The following WDR3 variants were observed in gnomAD, a reference collection of about 807,000 sequenced individuals.
WDR3 encodes the protein WD repeat domain 3, also known as WD repeat-containing protein 3.
In WDR3, 81 loss-of-function variants were observed where a neutral mutation model predicts 123.7. That is an observed-to-expected ratio of 0.65 (90% CI 0.55 to 0.79). The LOEUF is 0.79. Among genes scored for constraint, WDR3 ranks in the 30% least tolerant of loss-of-function variants. The pLI, the probability that WDR3 is intolerant of heterozygous loss-of-function variation, is 0.00. For synonymous variants in WDR3, 390 were observed against 388.8 expected (o/e 1.00, Z -0.04); for missense variants, 1,027 against 1,123.2 (o/e 0.91, Z 1.22).
chr1:117,953,409 A>T, intron 20 of WDR3, 67 bp from the exon 21 acceptor site: 1 of 1,485,102 alleles, frequency 6.7e-7, no homozygotes, highest in Non-Finnish European at 9.4e-7. Flanking sequence ...TGGATGTAAG[A>T]TTAATTTATC....
At chr1:117,950,922 G>A (rs1293109065) in intron 16 of WDR3, 32 bp downstream of exon 16, 2 of 1,564,248 alleles carry the variant, frequency 1.3e-6, no homozygotes, top group Non-Finnish European at 1.7e-6. Flanking sequence ...TCAGTAATAT[G>A]TTGTCTTTTT....
At chr1:117,953,209 T>A (rs1651713404) in intron 20 of WDR3, among the ~76,000 whole-genome samples, 1 of 152,140 alleles carries the variant, frequency 6.6e-6, no homozygotes, top group Non-Finnish European at 1.5e-5. Context: ...ACTGAATAAT[T>A]ATTCTGTCAA....
In WDR3 at chr1:117,941,813, G is replaced by A; in HGVS notation, c.955G>A (p.Asp319Asn). ...CAAAAAGGAAATTCAGAAGAAAATG[G>A]ATAAGAAGATGAAGAAAGCTAGAAA... Reference protein sequence around the residue: ...LSKKEIQKKMDKKMKKARKKA... With the variant: ...LSKKEIQKKMNKKMKKARKKA... The change falls in exon 9 of 27, where the codon GAT becomes AAT. Residue 319 changes from aspartate (D) to asparagine (N), a missense_variant. Physicochemically the swap from Asp to Asn is conservative, Grantham distance 23 (BLOSUM62 1). Coordinates refer to ENST00000349139, the MANE Select transcript of WDR3 (RefSeq NM_006784.3). The A allele has an allele frequency of 6.2e-7, 1 of 1,609,718 alleles. No individual in the cohort carries two copies. Among genetic ancestry groups the A allele is most frequent in the Non-Finnish European group, 8.5e-7 (1 of 1,178,970 alleles).
At chr1:117,942,599 T>C (rs1261848454) in intron 10 of WDR3, 55 bp downstream of exon 10, 1 of 1,515,644 alleles carries the variant, frequency 6.6e-7, no homozygotes, top group African/African-American at 1.4e-5. Flanking sequence ...CCAAGTATTA[T>C]TGGCTTTTTC....
Position 117,961,381 on chromosome 1 carries a change from G to A in WDR3, c.*1934G>A, listed in dbSNP as rs537599879. ...GTCTACTGTATATCTTCATGGTAAG[G>A]ATTTGGGGAATGTTCTAGGAAAAGA... On this transcript the variant is annotated 3_prime_UTR_variant, in exon 27 of 27. Coordinates refer to ENST00000349139, the MANE Select transcript of WDR3 (RefSeq NM_006784.3). 1 of 152,172 alleles carries A rather than the reference G, an allele frequency of 6.6e-6. No homozygotes were observed. Among genetic ancestry groups the A allele is most frequent in the East Asian group, 1.9e-4 (1 of 5,206 alleles). 9.4% of individuals were successfully genotyped at this position (152,172 alleles called of 1,614,324 possible).
At position 117,960,116 on chromosome 1, in the gene WDR3, G is replaced by GTA. The variant is rs1418786745; in HGVS notation, c.*670_*671insAT. ...CTGAGGAATTAATACACTCGTGTGT[G>GTA]TGTGTGTGTGTGTGTGTGTGTGTGT... On this transcript the variant is annotated 3_prime_UTR_variant, in exon 27 of 27. Transcript: ENST00000349139. 2 of 136,124 alleles carry GTA rather than the reference G, an allele frequency of 1.5e-5. No homozygotes were observed. Among genetic ancestry groups the GTA allele is most frequent in the African/African-American group, 5.7e-5 (2 of 35,200 alleles). 8.4% of individuals were successfully genotyped at this position (136,124 alleles called of 1,614,324 possible).
At chr1:117,938,653 G>C (rs7523403) in intron 5 of WDR3, 95 bp downstream of exon 5, 27,401 of 1,070,854 alleles carry the variant, frequency 0.026, 1,099 homozygotes, top group South Asian at 0.11. Flanking sequence ...TTTGTTTTTA[G>C]TGCACACAGT....
intron 25 of WDR3, among the ~76,000 whole-genome samples, chr1:117,958,649 GT>G (rs1652566192): frequency 6.6e-6 from 1 of 152,176 alleles, no homozygotes; most frequent in African/African-American, 2.4e-5. Flanking sequence ...CCACTGGCAG[GT>G]TGCTGGGCTG....
At chr1:117,958,494 T>C (rs546278833) in intron 25 of WDR3, among the ~76,000 whole-genome samples, 23 of 152,322 alleles carry the variant, frequency 1.5e-4, no homozygotes, top group Non-Finnish European at 2.4e-4. Context: ...CTTGGTACTC[T>C]AGGTCAGAGT....
chr1:117,931,959 G>C (rs1044312051), intron 1 of WDR3, among the ~76,000 whole-genome samples: 1 of 152,148 alleles, frequency 6.6e-6, no homozygotes. Flanking sequence ...GAAAGACCCT[G>C]TAGAGTTAAG....
chr1:117,931,893 CAG>C (rs1395663117), intron 1 of WDR3, among the ~76,000 whole-genome samples: 2 of 152,090 alleles, frequency 1.3e-5, no homozygotes, highest in Non-Finnish European at 2.9e-5. Flanking sequence ...AAAATATTAT[CAG>C]AGAGTTGAGA....
At chr1:117,957,503 C>A (rs1488842350) in intron 25 of WDR3, among the ~76,000 whole-genome samples, 1 of 152,202 alleles carries the variant, frequency 6.6e-6, no homozygotes, top group African/African-American at 2.4e-5. Context: ...ATGTTACAAT[C>A]TTAAGATAGC....
At chr1:117,938,593 G>A in intron 5 of WDR3, 35 bp downstream of exon 5, 1 of 1,587,392 alleles carries the variant, frequency 6.3e-7, no homozygotes, top group South Asian at 1.1e-5. Context: ...GGAAATAATG[G>A]GAAGGCAAAA....
At chr1:117,937,221 GATATGA>G (rs1214633246) in intron 4 of WDR3, among the ~76,000 whole-genome samples, 1 of 152,166 alleles carries the variant, frequency 6.6e-6, no homozygotes. Context: ...GCAGAGGGAA[GATATGA>G]ATACCAGGTG....
chr1:117,951,499 A>T, intron 16 of WDR3, among the ~76,000 whole-genome samples: 1 of 125,932 alleles, frequency 7.9e-6, no homozygotes. Context: ...TACAATGTTA[A>T]ATGTATTTCT....
At position 117,960,920 on chromosome 1, in the gene WDR3, T is replaced by G. The variant is rs899885676; in HGVS notation, c.*1473T>G. Reference sequence around the variant, plus strand: ...GTGCATTCATGATATAACTACTTTTTTCCTAATTTTTTTCATCTGAAACTT... The same window carrying G: ...GTGCATTCATGATATAACTACTTTTGTCCTAATTTTTTTCATCTGAAACTT... On this transcript the variant is annotated 3_prime_UTR_variant, in exon 27 of 27. Coordinates refer to ENST00000349139, the MANE Select transcript of WDR3 (RefSeq NM_006784.3). 6 of 152,250 alleles carry G rather than the reference T, an allele frequency of 3.9e-5. No individual in the cohort carries two copies. Among genetic ancestry groups the G allele is most frequent in the Non-Finnish European group, 8.8e-5 (6 of 68,038 alleles). 9.4% of individuals were successfully genotyped at this position (152,250 alleles called of 1,614,324 possible). A position where few individuals can be genotyped will look rare whatever the true frequency, so the allele number is the denominator to read the frequency against.
intron 7 of WDR3, 79 bp downstream of exon 7, chr1:117,941,019 A>G: frequency 6.4e-7 from 1 of 1,568,434 alleles, no homozygotes; most frequent in East Asian, 2.2e-5. Context: ...GGGAATCATC[A>G]CTTTAGGGAA....
At chr1:117,941,352 G>C (rs1330981359) in intron 8 of WDR3, 127 bp downstream of exon 8, 1 of 834,898 alleles carries the variant, frequency 1.2e-6, no homozygotes, top group Non-Finnish European at 1.8e-6. Context: ...ATGGTACTGT[G>C]TGGACCTATA....
chr1:117,965,150 CTT>C lies in WDR3; in HGVS notation c.*5706_*5707del, dbSNP rs1210038794. 1 of 152,096 alleles carries C rather than the reference CTT, an allele frequency of 6.6e-6. No individual in the cohort carries two copies. The highest frequency in any genetic ancestry group is 1.5e-5 in the Non-Finnish European group (1 of 68,014). The allele number at this position is 152,096 out of a possible 1,614,324, so 9.4% of individuals were successfully genotyped here. A position where few individuals can be genotyped will look rare whatever the true frequency, so the allele number is the denominator to read the frequency against. ...CTTTCTTAATACAGTCATTCTTTAC[CTT>C]TTGCAATTTAGTTTTTATCCCAACC... On this transcript the variant is annotated 3_prime_UTR_variant, in exon 27 of 27. Coordinates refer to ENST00000349139, the MANE Select transcript of WDR3 (RefSeq NM_006784.3).
Sources: allele counts gnomAD v4.1 joint callset (sites outside exome capture counted in the v4.1 genomes callset), GRCh38; gene constraint gnomAD v4.1.1; transcripts MANE v1.5; gene names NCBI Gene and HGNC (gene_info 2026-07-23, HGNC 2026-07-21).